RRAGD: variants seen among roughly 807,000 people sequenced by gnomAD.
RRAGD encodes the protein ras-related GTP-binding protein D.
Under a neutral mutation model 35.5 loss-of-function variants are expected in RRAGD, and 12 were observed. The ratio of observed to expected loss-of-function variants is 0.34; its 90% confidence interval spans 0.22 to 0.55. RRAGD has a LOEUF of 0.55. Ranked by LOEUF, RRAGD falls within the 20% of genes least tolerant of loss-of-function variation. RRAGD has a pLI of 0.91. For missense variants in RRAGD, 324 were observed against 490.1 expected, an observed-to-expected ratio of 0.66 and a Z score of 3.20; for synonymous variants, 155 against 178.9, an observed-to-expected ratio of 0.87 and a Z score of 1.07.
chr6:89,383,654 T>C (rs188375218), intron 2 of RRAGD, among the ~76,000 whole-genome samples: 2 of 152,122 alleles, frequency 1.3e-5, no homozygotes, highest in East Asian at 3.9e-4. Context: ...GGGGCTGGGG[T>C]GTCACCACAG....
intron 1 of RRAGD, among the ~76,000 whole-genome samples, chr6:89,410,564 G>T (rs1302472694): frequency 1.3e-5 from 2 of 152,166 alleles, no homozygotes; most frequent in Admixed American, 6.6e-5. Flanking sequence ...AAGCACAAAG[G>T]TGCACACATC....
chr6:89,371,338 A>G (rs1336857981), intron 6 of RRAGD, among the ~76,000 whole-genome samples: 1 of 152,104 alleles, frequency 6.6e-6, no homozygotes, highest in African/African-American at 2.4e-5. Flanking sequence ...AAAAACAAAA[A>G]AAAATTCCAG....
intron 1 of RRAGD, among the ~76,000 whole-genome samples, chr6:89,405,850 A>G (rs1417162709): frequency 4.6e-5 from 7 of 152,192 alleles, no homozygotes. Context: ...ACGTTGATCA[A>G]TGGAACTACT....
At chr6:89,383,080 C>A (rs990753898) in intron 2 of RRAGD, among the ~76,000 whole-genome samples, 1 of 152,078 alleles carries the variant, frequency 6.6e-6, no homozygotes, top group African/African-American at 2.4e-5. Flanking sequence ...CACAAGGGAA[C>A]CTTTGGGGTG....
chr6:89,382,703 G>A (rs961262135), intron 2 of RRAGD, among the ~76,000 whole-genome samples: 57 of 151,514 alleles, frequency 3.8e-4, no homozygotes, highest in African/African-American at 1.2e-3. Context: ...GTGAAACCCC[G>A]TCTCTACTAA....
intron 6 of RRAGD, among the ~76,000 whole-genome samples, chr6:89,368,864 T>A (rs1362172669): frequency 6.6e-6 from 1 of 152,170 alleles, no homozygotes; most frequent in East Asian, 1.9e-4. Context: ...AAAAATAGAA[T>A]AAAAGATAAT....
intron 1 of RRAGD, 57 bp from the exon 2 acceptor site, chr6:89,387,647 A>G (rs1246753841): frequency 6.7e-7 from 1 of 1,486,606 alleles, no homozygotes; most frequent in Non-Finnish European, 9.2e-7. Flanking sequence ...GGTTAATTAG[A>G]GGAGTTTCAC....
chr6:89,376,300 G>GGGGTGTGTGCGT, intron 5 of RRAGD, among the ~76,000 whole-genome samples: 1 of 141,858 alleles, frequency 7.0e-6, no homozygotes, highest in South Asian at 2.2e-4. Context: ...ATGTGTGTGT[G>GGGGTGTGTGCGT]GTGTGTGTGT....
At chr6:89,406,970 C>T (rs539939253) in intron 1 of RRAGD, among the ~76,000 whole-genome samples, 5 of 152,194 alleles carry the variant, frequency 3.3e-5, no homozygotes, top group South Asian at 2.1e-4. Context: ...GGGGGACAAG[C>T]GAACTTTTCC....
chr6:89,389,406 A>T (rs1450949914), intron 1 of RRAGD, among the ~76,000 whole-genome samples: 2 of 151,990 alleles, frequency 1.3e-5, no homozygotes, highest in African/African-American at 2.4e-5. Flanking sequence ...ATACAAAAAA[A>T]TTAGCCAGGC....
At chr6:89,378,041 C>T (rs572298727) in intron 4 of RRAGD, among the ~76,000 whole-genome samples, 8 of 152,324 alleles carry the variant, frequency 5.3e-5, no homozygotes, top group Non-Finnish European at 7.3e-5. Flanking sequence ...TGGTGGCTCA[C>T]GCCTGTAATC....
At chr6:89,378,139 C>T (rs1768978323) in intron 4 of RRAGD, among the ~76,000 whole-genome samples, 1 of 152,064 alleles carries the variant, frequency 6.6e-6, no homozygotes, top group South Asian at 2.1e-4. Flanking sequence ...CCTGTCTCTA[C>T]TAAAAATACA....
At chr6:89,379,487 G>A (rs1769006205) in intron 3 of RRAGD, 149 bp from the exon 4 acceptor site, 3 of 407,714 alleles carry the variant, frequency 7.4e-6, no homozygotes, top group South Asian at 5.8e-5. Flanking sequence ...AGTGACCTCG[G>A]TAAAAAACAA....
intron 2 of RRAGD, among the ~76,000 whole-genome samples, chr6:89,381,837 C>T (rs1364875904): frequency 1.3e-5 from 2 of 152,148 alleles, no homozygotes; most frequent in Non-Finnish European, 2.9e-5. Flanking sequence ...GATATATGTA[C>T]AGTCTCATGT....
chr6:89,368,138 ACTT>A lies in RRAGD; in HGVS notation c.1118_1120del (p.Lys373_Val374delinsIle), dbSNP rs780958797. ...ATTCTGAACCTTTCGAGATTTTACT[ACTT>A]TCATTCTCACCTCAAAAACTTCATG... On this transcript the variant is annotated inframe_deletion, in exon 7 of 7. Transcript: ENST00000369415. 39 of 1,613,840 alleles carry A rather than the reference ACTT, an allele frequency of 2.4e-5. 1 individual carries two copies. The highest frequency in any genetic ancestry group is 3.2e-5 in the Non-Finnish European group (38 of 1,179,878).
chr6:89,373,976 CT>C (rs933919304), intron 5 of RRAGD, among the ~76,000 whole-genome samples: 8 of 152,180 alleles, frequency 5.3e-5, no homozygotes, highest in African/African-American at 1.9e-4. Flanking sequence ...TTCCCTAAAC[CT>C]TTTCCCCCTT....
chr6:89,399,597 C>T (rs1054955610), intron 1 of RRAGD, among the ~76,000 whole-genome samples: 1 of 152,064 alleles, frequency 6.6e-6, no homozygotes, highest in Non-Finnish European at 1.5e-5. Flanking sequence ...CATGGCAAAA[C>T]CCTCTCTCTA....
At chr6:89,383,510 T>C (rs1769084981) in intron 2 of RRAGD, among the ~76,000 whole-genome samples, 1 of 152,240 alleles carries the variant, frequency 6.6e-6, no homozygotes. Context: ...GCATAGTTTC[T>C]ACTCTGAAAT....
chr6:89,399,192 C>T lies in RRAGD; in HGVS notation c.149-11602G>A, dbSNP rs117882718. 3.0e-4 allele frequency among the ~76,000 whole-genome samples: 45 copies of T among 152,340 alleles called. No individual in the cohort carries two copies. The East Asian group carries it at 8.3e-3, about 28-fold the overall frequency. ...TGACCTGTAGAAGTTGAATCTCCTC[C>T]TCCTGGGAGGGTGGCGAGGTGACAG... On this transcript the variant is annotated intron_variant, in intron 1 of 6. Transcript: ENST00000369415.
Sources: gnomAD v4.1 joint callset for allele counts (sites outside exome capture counted in the v4.1 genomes callset) on GRCh38, gnomAD v4.1.1 for gene constraint, MANE v1.5 for transcripts, NCBI Gene and HGNC (gene_info 2026-07-23, HGNC 2026-07-21) for gene names.